GIPC2: variants seen among roughly 807,000 people sequenced by gnomAD.
GIPC2 encodes the protein PDZ domain-containing protein GIPC2.
Under a neutral mutation model 30.6 loss-of-function variants are expected in GIPC2, and 30 were observed. The observed-to-expected ratio is 0.98, with a 90% confidence interval of 0.73 to 1.33. The LOEUF is 1.33. GIPC2 is among the 40% of genes most tolerant of loss of function. The pLI is 0.00. For synonymous variants in GIPC2, 167 were observed against 150.0 expected, an observed-to-expected ratio of 1.11 and a Z score of -0.83; for missense variants, 414 against 390.3, an observed-to-expected ratio of 1.06 and a Z score of -0.51.
intron 1 of GIPC2, among the ~76,000 whole-genome samples, chr1:78,047,982 A>T (rs1159117073): frequency 6.6e-6 from 1 of 152,134 alleles, no homozygotes; most frequent in African/African-American, 2.4e-5. Context: ...GTAACCAGGG[A>T]CTTCAGTTTT....
chr1:78,120,425 C>G (rs1662658599), intron 4 of GIPC2, among the ~76,000 whole-genome samples: 1 of 152,156 alleles, frequency 6.6e-6, no homozygotes, highest in Non-Finnish European at 1.5e-5. Context: ...CACACATTAT[C>G]TATCTCAAAG....
chr1:78,126,967 G>C (rs1662795061), intron 5 of GIPC2, among the ~76,000 whole-genome samples: 1 of 152,126 alleles, frequency 6.6e-6, no homozygotes, highest in African/African-American at 2.4e-5. Context: ...TGTGAAAAAG[G>C]CCTGACCCTT....
At chr1:78,068,819 A>G (rs1661566959) in intron 1 of GIPC2, among the ~76,000 whole-genome samples, 2 of 152,192 alleles carry the variant, frequency 1.3e-5, no homozygotes, top group Admixed American at 1.3e-4. Flanking sequence ...TCATAAAAAT[A>G]GAAGCAGGTA....
chr1:78,063,562 T>C (rs1324573361), intron 1 of GIPC2, among the ~76,000 whole-genome samples: 2 of 150,624 alleles, frequency 1.3e-5, no homozygotes, highest in African/African-American at 4.9e-5. Context: ...TTGTAGTGAA[T>C]ACATTTGGAT....
chr1:78,058,217 A>G (rs1010188423), intron 1 of GIPC2, among the ~76,000 whole-genome samples: 1 of 152,050 alleles, frequency 6.6e-6, no homozygotes, highest in Non-Finnish European at 1.5e-5. Flanking sequence ...TCTGTTCCTC[A>G]TCTGTTAAGT....
intron 1 of GIPC2, among the ~76,000 whole-genome samples, chr1:78,073,654 G>A (rs1468789357): frequency 6.6e-6 from 1 of 152,128 alleles, no homozygotes; most frequent in African/African-American, 2.4e-5. Context: ...CCTGTTTAAG[G>A]AAGGCATTCA....
chr1:78,128,620 A>G (rs1662829438), intron 5 of GIPC2, among the ~76,000 whole-genome samples: 1 of 152,244 alleles, frequency 6.6e-6, no homozygotes. Context: ...AAGCAAATGT[A>G]TATATGTGTA....
intron 3 of GIPC2, among the ~76,000 whole-genome samples, chr1:78,111,384 G>T (rs1215340853): frequency 6.6e-6 from 1 of 152,154 alleles, no homozygotes. Context: ...GAGGGGCTGG[G>T]CTTACACTCA....
chr1:78,135,203 G>A (rs997590298), intron 5 of GIPC2, among the ~76,000 whole-genome samples: 3 of 152,088 alleles, frequency 2.0e-5, no homozygotes, highest in African/African-American at 4.8e-5. Flanking sequence ...GGGAGGGAGA[G>A]TAGTGACTAT....
intron 3 of GIPC2, among the ~76,000 whole-genome samples, chr1:78,098,973 T>G (rs1662191421): frequency 6.6e-6 from 1 of 152,174 alleles, no homozygotes; most frequent in African/African-American, 2.4e-5. Flanking sequence ...TGGTACTTTG[T>G]TATGGCAGCA....
chr1:78,084,479 C>G (rs993369879), intron 2 of GIPC2, among the ~76,000 whole-genome samples: 2 of 150,052 alleles, frequency 1.3e-5, no homozygotes, highest in Non-Finnish European at 3.0e-5. Flanking sequence ...TCACTGCACT[C>G]CAGCCTGGGC....
chr1:78,114,160 C>T (rs954199755), intron 3 of GIPC2, among the ~76,000 whole-genome samples: 1 of 152,226 alleles, frequency 6.6e-6, no homozygotes, highest in East Asian at 1.9e-4. Context: ...GTACACTCAA[C>T]TGGGAGCCCT....
rs369939782 is a variant in GIPC2 at position 78,076,940 on chromosome 1, T to A, written c.241-3735T>A. On this transcript the variant is annotated intron_variant, in intron 1 of 5. Coordinates refer to ENST00000370759, the MANE Select transcript of GIPC2 (RefSeq NM_017655.6). ...CCTGCCACCATGCCTGGCTATTTTT[T>A]TTTTTTATTTTTAGAGATGGGTTTT... 2.0e-4 allele frequency among the ~76,000 whole-genome samples: 31 copies of A among 152,080 alleles called. No individual in the cohort carries two copies. In the East Asian group the frequency reaches 3.5e-3, roughly 17 times the overall value.
At chr1:78,133,997 C>T (rs1426658166) in intron 5 of GIPC2, among the ~76,000 whole-genome samples, 1 of 152,106 alleles carries the variant, frequency 6.6e-6, no homozygotes, top group Non-Finnish European at 1.5e-5. Flanking sequence ...TCATATTGCA[C>T]TTTGCCTGCT....
At chr1:78,130,386 G>A (rs1482284353) in intron 5 of GIPC2, among the ~76,000 whole-genome samples, 2 of 152,130 alleles carry the variant, frequency 1.3e-5, no homozygotes, top group Non-Finnish European at 2.9e-5. Flanking sequence ...ACAGGCATGA[G>A]CTACCATGCC....
chr1:78,083,699 A>T (rs1219397913), intron 2 of GIPC2, among the ~76,000 whole-genome samples: 1 of 152,124 alleles, frequency 6.6e-6, no homozygotes, highest in Non-Finnish European at 1.5e-5. Context: ...TATTGTCAAC[A>T]TGGGTACATG....
At chr1:78,065,129 C>T (rs954572259) in intron 1 of GIPC2, among the ~76,000 whole-genome samples, 5 of 152,158 alleles carry the variant, frequency 3.3e-5, no homozygotes, top group Non-Finnish European at 5.9e-5. Context: ...AAAGCCACCA[C>T]ACCCAGCTAA....
chr1:78,062,739 C>T (rs1661417870), intron 1 of GIPC2, among the ~76,000 whole-genome samples: 1 of 151,724 alleles, frequency 6.6e-6, no homozygotes, highest in Non-Finnish European at 1.5e-5. Context: ...GTCTCGAACT[C>T]CTGAGCTCAG....
intron 1 of GIPC2, among the ~76,000 whole-genome samples, chr1:78,074,080 TATG>T (rs1167881385): frequency 4.6e-5 from 7 of 152,356 alleles, no homozygotes; most frequent in Admixed American, 2.6e-4. Context: ...CTATCCTGGT[TATG>T]ATATTAAAAA....
Sources: allele counts gnomAD v4.1 joint callset (sites outside exome capture counted in the v4.1 genomes callset), GRCh38; gene constraint gnomAD v4.1.1; transcripts MANE v1.5; gene names NCBI Gene and HGNC (gene_info 2026-07-23, HGNC 2026-07-21).